The following PDE10A variants were observed in gnomAD, a reference collection of about 807,000 sequenced individuals.
The protein encoded by PDE10A is cAMP and cAMP-inhibited cGMP 3',5'-cyclic phosphodiesterase 10A.
A neutral mutation model predicts 97.7 loss-of-function variants in PDE10A; 39 were observed. The observed-to-expected ratio is 0.40, with a 90% CI of 0.31 to 0.52. The LOEUF (loss-of-function observed/expected upper bound fraction) is 0.52. PDE10A is among the 20% of genes least tolerant of loss of function. PDE10A has a pLI of 0.56. For missense variants in PDE10A, 731 were observed against 1,047.8 expected (o/e 0.70, Z 4.17); for synonymous variants, 371 against 376.8 (o/e 0.98, Z 0.18).
chr6:165,890,772 T>A (rs1357276053), intron 1 of PDE10A, among the ~76,000 whole-genome samples: 1 of 152,228 alleles, frequency 6.6e-6, no homozygotes, highest in Non-Finnish European at 1.5e-5. Context: ...ATTAGGTCTC[T>A]ATCGCTTTAT....
chr6:165,891,338 G>A (rs1455821463), intron 1 of PDE10A, among the ~76,000 whole-genome samples: 1 of 152,158 alleles, frequency 6.6e-6, no homozygotes, highest in Non-Finnish European at 1.5e-5. Context: ...GTGCCACCAG[G>A]GCCCAGGCGT....
chr6:165,793,303 G>C (rs1200897352), intron 1 of PDE10A, among the ~76,000 whole-genome samples: 1 of 151,770 alleles, frequency 6.6e-6, no homozygotes, highest in Non-Finnish European at 1.5e-5. Context: ...GGCCTTATAA[G>C]AAAAGAAATA....
intron 1 of PDE10A, among the ~76,000 whole-genome samples, chr6:165,881,401 T>C (rs929408887): frequency 5.2e-4 from 74 of 142,616 alleles, no homozygotes; most frequent in Non-Finnish European, 9.3e-4. Context: ...TCTTTTTTTT[T>C]TTTTTTTTTT....
chr6:165,817,951 C>T (rs1014365134), intron 1 of PDE10A, among the ~76,000 whole-genome samples: 3 of 152,186 alleles, frequency 2.0e-5, no homozygotes, highest in Non-Finnish European at 4.4e-5. Flanking sequence ...CTAGAAGTAA[C>T]ATGTCCCACC....
intron 1 of PDE10A, among the ~76,000 whole-genome samples, chr6:165,981,817 A>G (rs1785028598): frequency 6.6e-6 from 1 of 152,122 alleles, no homozygotes. Context: ...TTTAATATCA[A>G]TGATGTAAAT....
At chr6:165,434,961 T>G (rs923315882) in intron 6 of PDE10A, among the ~76,000 whole-genome samples, 2 of 152,178 alleles carry the variant, frequency 1.3e-5, no homozygotes, top group Non-Finnish European at 2.9e-5. Context: ...AAACAGTAAT[T>G]ATTTAGTTTA....
rs1427321199 is a variant in PDE10A, at chr6:165,943,308, AAGG to A, written c.-615+44218_-615+44220del. Among the ~76,000 whole-genome samples the A allele has an allele frequency of 1.2e-3, 123 of 106,054 alleles. 6 individuals carry two copies. The highest frequency in any genetic ancestry group is 4.9e-3 in the South Asian group (15 of 3,032). The allele number at this position is 106,054 out of a possible 152,430, so 69.6% of individuals were successfully genotyped here. A position where few individuals can be genotyped will look rare whatever the true frequency, so the allele number is the denominator to read the frequency against. ...GAAAGAAAGAAGGAAAGAAAGAAAG[AAGG>A]AAGGAAGGAAAGAAAGAAAAAGAAA... On this transcript the variant is annotated intron_variant, in intron 1 of 19. Coordinates refer to the PDE10A transcript ENST00000366882.
intron 18 of PDE10A, among the ~76,000 whole-genome samples, chr6:165,353,151 T>C (rs111997017): frequency 6.6e-6 from 1 of 152,070 alleles, no homozygotes; most frequent in South Asian, 2.1e-4. Context: ...ACACTACACA[T>C]CTATTAGAAA....
At chr6:165,724,898 G>C (rs368030097) in intron 1 of PDE10A, among the ~76,000 whole-genome samples, 1 of 152,332 alleles carries the variant, frequency 6.6e-6, no homozygotes, top group South Asian at 2.1e-4. Flanking sequence ...TGAGGACAGA[G>C]TCATAGTGGT....
At chr6:165,632,628 G>GA (rs1169697455) in intron 1 of PDE10A, among the ~76,000 whole-genome samples, 2 of 152,188 alleles carry the variant, frequency 1.3e-5, no homozygotes, top group African/African-American at 4.8e-5. Flanking sequence ...AACAAAAAAA[G>GA]AGACTATGAC....
At chr6:165,931,731 A>G (rs535195220) in intron 1 of PDE10A, among the ~76,000 whole-genome samples, 2 of 152,310 alleles carry the variant, frequency 1.3e-5, no homozygotes, top group Admixed American at 6.5e-5. Flanking sequence ...AAATGGCTGT[A>G]TTGTAAAGAA....
chr6:165,360,539 T>C (rs368561730), intron 18 of PDE10A, among the ~76,000 whole-genome samples: 1,681 of 152,196 alleles, frequency 0.011, 27 homozygotes, highest in African/African-American at 0.039. Context: ...AGAGTGGATG[T>C]TGTAGGAGGA....
At chr6:165,705,299 G>A (rs1037166550) in intron 1 of PDE10A, among the ~76,000 whole-genome samples, 5 of 152,224 alleles carry the variant, frequency 3.3e-5, no homozygotes, top group Admixed American at 6.5e-5. Context: ...GCCTTCCAGC[G>A]TGGCCTTCAT....
At chr6:165,918,341 G>T (rs1349165554) in intron 1 of PDE10A, among the ~76,000 whole-genome samples, 2 of 152,042 alleles carry the variant, frequency 1.3e-5, no homozygotes, top group Non-Finnish European at 2.9e-5. Flanking sequence ...TATAATACAC[G>T]TTTTCAGACT....
At chr6:165,846,243 A>G (rs1780415275) in intron 1 of PDE10A, among the ~76,000 whole-genome samples, 1 of 152,224 alleles carries the variant, frequency 6.6e-6, no homozygotes, top group South Asian at 2.1e-4. Context: ...AATAGGGGCC[A>G]TGAGCCACAC....
chr6:165,854,442 G>T (rs867437758), intron 1 of PDE10A, among the ~76,000 whole-genome samples: 1 of 152,176 alleles, frequency 6.6e-6, no homozygotes. Context: ...CAAGACGTTC[G>T]CAGGCTCTGC....
intron 1 of PDE10A, among the ~76,000 whole-genome samples, chr6:165,862,975 C>T (rs1308636131): frequency 2.6e-5 from 4 of 152,238 alleles, no homozygotes; most frequent in Admixed American, 2.0e-4. Context: ...CCACCACACC[C>T]GGCCCAGTTG....
In PDE10A at chr6:165,655,424, C is replaced by T. The variant is rs946782484; in HGVS notation, c.865+6523G>A. On this transcript the variant is annotated intron_variant, in intron 1 of 21. Coordinates refer to ENST00000539869, the MANE Select transcript of PDE10A (RefSeq NM_001385079.1). This position sits in a 1 kb window ranked among gnomAD's most constrained non-coding sequence, Gnocchi z 4.5. Reference sequence around the variant, plus strand: ...CCCATCCCAATCCCAGTGAACAGCCCCACCATTTACCCAATCTTTCCAGCC... The same window carrying T: ...CCCATCCCAATCCCAGTGAACAGCCTCACCATTTACCCAATCTTTCCAGCC... 2.6e-5 allele frequency among the ~76,000 whole-genome samples: 4 copies of T among 152,068 alleles called. No homozygotes were observed. Among genetic ancestry groups the T allele is most frequent in the Non-Finnish European group, 5.9e-5 (4 of 68,012 alleles).
At chr6:165,749,281 CCATCAT>C (rs1792924301) in intron 1 of PDE10A, among the ~76,000 whole-genome samples, 1 of 56,156 alleles carries the variant, frequency 1.8e-5, no homozygotes, top group African/African-American at 5.7e-5. Flanking sequence ...ATCACCATTA[CCATCAT>C]CACCATCACC....
Sources: gnomAD v4.1 joint callset for allele counts (sites outside exome capture counted in the v4.1 genomes callset) on GRCh38, gnomAD v4.1.1 for gene constraint, Gnocchi (gnomAD v3.1) non-coding constraint, MANE v1.5 for transcripts, NCBI Gene and HGNC (gene_info 2026-07-23, HGNC 2026-07-21) for gene names.